HTR3B: variants seen among roughly 807,000 people sequenced by gnomAD.
HTR3B encodes 5-hydroxytryptamine (serotonin) receptor 3B, ionotropic.
HTR3B carries 44 observed loss-of-function variants against 42.8 expected under a neutral mutation model. That is an observed-to-expected ratio of 1.03 (90% CI 0.81 to 1.32). HTR3B has a LOEUF of 1.32. Among genes scored for constraint, HTR3B ranks in the 40% most tolerant of loss-of-function variants. HTR3B has a pLI of 0.00. For synonymous variants in HTR3B, 203 were observed against 209.0 expected, an observed-to-expected ratio of 0.97 and a Z score of 0.25; for missense variants, 527 against 536.5, an observed-to-expected ratio of 0.98 and a Z score of 0.17.
intron 7 of HTR3B, among the ~76,000 whole-genome samples, chr11:113,943,951 G>C (rs1950156585): frequency 6.6e-6 from 1 of 151,560 alleles, no homozygotes; most frequent in South Asian, 2.1e-4. Context: ...ACAACATTTT[G>C]GGAGGCTGAG....
At chr11:113,931,320 C>A in intron 2 of HTR3B, 64 bp from the exon 3 acceptor site, 1 of 1,161,672 alleles carries the variant, frequency 8.6e-7, no homozygotes, top group Non-Finnish European at 1.3e-6. Flanking sequence ...TTCCTTACTG[C>A]TGAATTGGCC....
At chr11:113,935,930 A>G (rs1950088208) in intron 6 of HTR3B, among the ~76,000 whole-genome samples, 1 of 152,170 alleles carries the variant, frequency 6.6e-6, no homozygotes, top group South Asian at 2.1e-4. Flanking sequence ...CGGATGCCCC[A>G]TGAGTTTCAG....
chr11:113,936,712 T>C (rs1180295884), intron 6 of HTR3B, among the ~76,000 whole-genome samples: 2 of 152,214 alleles, frequency 1.3e-5, no homozygotes, highest in African/African-American at 4.8e-5. Flanking sequence ...GCAACTTTCC[T>C]GTTCTTTCTG....
At chr11:113,913,661 C>T (rs572940862) in intron 2 of HTR3B, among the ~76,000 whole-genome samples, 11 of 151,754 alleles carry the variant, frequency 7.2e-5, no homozygotes, top group Admixed American at 4.6e-4. Context: ...ACTACAGGCA[C>T]GTGCCATCAC....
chr11:113,941,706 G>A (rs1950136480), intron 6 of HTR3B, among the ~76,000 whole-genome samples: 1 of 152,138 alleles, frequency 6.6e-6, no homozygotes, highest in African/African-American at 2.4e-5. Context: ...GAGGAGGGAG[G>A]AGGGCCGAGA....
At chr11:113,927,709 C>T (rs901933609) in intron 2 of HTR3B, among the ~76,000 whole-genome samples, 4 of 151,800 alleles carry the variant, frequency 2.6e-5, no homozygotes, top group East Asian at 1.9e-4. Flanking sequence ...ATGACAGGCA[C>T]GTGCCACTAA....
At chr11:113,945,817 G>T in intron 8 of HTR3B, 85 bp from the exon 9 acceptor site, 2 of 943,628 alleles carry the variant, frequency 2.1e-6, no homozygotes, top group Non-Finnish European at 1.7e-6. Flanking sequence ...TTTCCTTGAA[G>T]GATGAGGCCA....
intron 2 of HTR3B, among the ~76,000 whole-genome samples, chr11:113,928,329 A>T (rs932626758): frequency 6.6e-6 from 1 of 152,228 alleles, no homozygotes; most frequent in Non-Finnish European, 1.5e-5. Context: ...TATTGCGAAC[A>T]GTGAAAACTG....
At chr11:113,902,496 C>A (rs1454104159), upstream of HTR3B, among the ~76,000 whole-genome samples, 2 of 152,026 alleles carry the variant, frequency 1.3e-5, no homozygotes, top group Non-Finnish European at 1.5e-5. Flanking sequence ...AGGGTTTCAC[C>A]ATGTTGGCCA....
intron 2 of HTR3B, among the ~76,000 whole-genome samples, chr11:113,924,452 C>A (rs1366173421): frequency 6.6e-6 from 1 of 151,762 alleles, no homozygotes; most frequent in African/African-American, 2.4e-5. Context: ...CCTGTTTCTA[C>A]AAAAATTAAT....
rs931864753 is a variant in HTR3B, at chr11:113,947,919, C to T, written c.*1782C>T. Among the ~76,000 whole-genome samples, 20 of 152,124 alleles carry T rather than the reference C, an allele frequency of 1.3e-4. No individual in the cohort carries two copies. Among genetic ancestry groups the T allele is most frequent in the Admixed American group, 2.6e-4 (4 of 15,266 alleles). ...GCTGTCAGTAGAAGACACAAAAGTC[C>T]AAAAGCTGTTTGCTAGAAACTTTTT... On this transcript the variant is annotated 3_prime_UTR_variant, in exon 9 of 9. Transcript: ENST00000260191.
At chr11:113,943,291 C>T (rs1950151649) in intron 7 of HTR3B, 99 bp downstream of exon 7, 1 of 995,836 alleles carries the variant, frequency 1.0e-6, no homozygotes, top group African/African-American at 1.6e-5. Flanking sequence ...AATATCAGCA[C>T]TTTGGGAGGC....
chr11:113,921,170 A>T, intron 2 of HTR3B, among the ~76,000 whole-genome samples: 1 of 148,818 alleles, frequency 6.7e-6, no homozygotes, highest in Non-Finnish European at 1.5e-5. Flanking sequence ...TTTTTGAGTC[A>T]GAGTCTCACT....
intron 2 of HTR3B, among the ~76,000 whole-genome samples, chr11:113,921,024 G>A (rs190332912): frequency 8.8e-4 from 133 of 151,134 alleles, no homozygotes; most frequent in Admixed American, 3.6e-3. Flanking sequence ...CATTGGCCAG[G>A]CTGGTCTTGA....
At chr11:113,902,441 C>A (rs182196150), upstream of HTR3B, among the ~76,000 whole-genome samples, 537 of 152,034 alleles carry the variant, frequency 3.5e-3, 5 homozygotes, top group African/African-American at 0.01. Flanking sequence ...GAATTACAGG[C>A]ATGTGCCACC....
At chr11:113,899,478 A>G in the HTR3B span, among the ~76,000 whole-genome samples, 1 of 152,226 alleles carries the variant, frequency 6.6e-6, no homozygotes, top group Non-Finnish European at 1.5e-5. Flanking sequence ...GAATATGTAC[A>G]TCTGTCAAAA....
At chr11:113,932,486 C>T in intron 5 of HTR3B, 28 bp downstream of exon 5, 1 of 1,571,936 alleles carries the variant, frequency 6.4e-7, no homozygotes, top group Non-Finnish European at 8.7e-7. Flanking sequence ...CCCATTAATG[C>T]TAGGTTGGTG....
rs141803096 is a variant in HTR3B at position 113,941,909 on chromosome 11, G to A, written c.697-1073G>A. 4.1e-4 allele frequency among the ~76,000 whole-genome samples: 62 copies of A among 152,236 alleles called. No individual in the cohort carries two copies. In the East Asian group the frequency reaches 7.0e-3, roughly 17 times the overall value. On this transcript the variant is annotated intron_variant, in intron 6 of 8. Coordinates refer to ENST00000260191, the MANE Select transcript of HTR3B (RefSeq NM_006028.5). ...CCCCGAAAAGCCCAGGGGTCTGCCCGCCATCTTGTGGTTTCCCTAAAGCCT... is the reference window on the plus strand; with the variant it reads ...CCCCGAAAAGCCCAGGGGTCTGCCCACCATCTTGTGGTTTCCCTAAAGCCT...
Position 113,918,681 on chromosome 11 carries a change from G to T in HTR3B, c.213+9226G>T, listed in dbSNP as rs114913492. Among the ~76,000 whole-genome samples, 461 of 146,282 alleles carry T rather than the reference G, an allele frequency of 3.2e-3. 5 individuals are homozygous for T. The highest frequency in any genetic ancestry group is 0.01 in the African/African-American group (413 of 39,446). On this transcript the variant is annotated intron_variant, in intron 2 of 8. Transcript: ENST00000260191. ...CTATGCATTTTTTTTTTTCAGTATGGAGTCTCACTCTGTCCCCCAGGCTGG... is the reference window on the plus strand; with the variant it reads ...CTATGCATTTTTTTTTTTCAGTATGTAGTCTCACTCTGTCCCCCAGGCTGG...
Sources: allele counts gnomAD v4.1 joint callset (sites outside exome capture counted in the v4.1 genomes callset), GRCh38; gene constraint gnomAD v4.1.1; transcripts MANE v1.5; gene names NCBI Gene and HGNC (gene_info 2026-07-23, HGNC 2026-07-21).